The following DIPK2A variants were observed in gnomAD, a reference collection of about 807,000 sequenced individuals.
DIPK2A encodes Golgi Protein of 49 kDa.
In DIPK2A, 27 loss-of-function variants were observed where a neutral mutation model predicts 39.0. The observed-to-expected ratio is 0.69, with a 90% CI of 0.51 to 0.96. DIPK2A has a LOEUF of 0.96. DIPK2A is among the 40% of genes least tolerant of loss of function. DIPK2A has a pLI of 0.00. For missense variants in DIPK2A, 528 were observed against 571.3 expected (o/e 0.92, Z 0.77); for synonymous variants, 298 against 240.8 (o/e 1.24, Z -2.20).
Position 143,975,457 on chromosome 3 carries a change from A to G in DIPK2A, c.657+2468A>G, listed in dbSNP as rs183899279. ...GTCTGAACAATATACTTGAGGTTTG[A>G]TGATTGTATAAAACCACCAAAATGA... is the stretch of plus-strand genomic sequence containing the variant. On this transcript the variant is annotated intron_variant, in intron 1 of 2. Coordinates refer to ENST00000315691, the MANE Select transcript of DIPK2A (RefSeq NM_173552.5). Among the ~76,000 whole-genome samples, 1,363 of 152,230 alleles carry G rather than the reference A, an allele frequency of 9.0e-3. 16 individuals are homozygous for G. Among genetic ancestry groups the G allele is most frequent in the Middle Eastern group, 0.037 (11 of 294 alleles).
chr3:143,975,032 A>T (rs774089335), intron 1 of DIPK2A, among the ~76,000 whole-genome samples: 7 of 152,064 alleles, frequency 4.6e-5, no homozygotes, highest in Non-Finnish European at 8.8e-5. Context: ...GCCTTTTTTG[A>T]AAAAGCACAA....
Position 143,972,648 on chromosome 3 carries a change from C to G in DIPK2A, c.316C>G (p.Arg106Gly), listed in dbSNP as rs199733482. Reference sequence around the variant, plus strand: ...CGAGCCCCGCGAGGGCGGCCGCCGCCGAGTGGTGCTCAAGCGCCTCGGCTC... The same window carrying G: ...CGAGCCCCGCGAGGGCGGCCGCCGCGGAGTGGTGCTCAAGCGCCTCGGCTC... Reference protein sequence around the residue: ...YGEPREGGRRRVVLKRLGSQR... With the variant: ...YGEPREGGRRGVVLKRLGSQR... Residue 106 changes from arginine (R) to glycine (G), a missense_variant, in exon 1 of 3, where the codon CGA (arginine) becomes GGA (glycine). Coordinates refer to ENST00000315691, the MANE Select transcript of DIPK2A (RefSeq NM_173552.5). 6.2e-6 allele frequency: 10 copies of G among 1,611,242 alleles called. No individual in the cohort carries two copies. Among genetic ancestry groups the G allele is most frequent in the South Asian group, 4.4e-5 (4 of 91,004 alleles).
rs1576811991 is a variant in DIPK2A at position 143,985,134 on chromosome 3, G to C, written c.658-409G>C. The stretch of plus-strand genomic sequence containing the variant: ...CACCGTAACACAGTGCCTGTTGCCT[G>C]GTAAATAACTGCTGGTTAATAGGCT... On this transcript the variant is annotated intron_variant, in intron 1 of 2. Transcript: ENST00000315691. Among the ~76,000 whole-genome samples the C allele has an allele frequency of 2.0e-5, 3 of 152,158 alleles. No individual in the cohort carries two copies. In the East Asian group the frequency reaches 5.8e-4, roughly 29 times the overall value.
rs979493440 is a variant in DIPK2A at position 143,986,739 on chromosome 3, A to G, written c.961+893A>G. Among the ~76,000 whole-genome samples, 365 of 151,560 alleles carry G rather than the reference A, an allele frequency of 2.4e-3. 1 individual carries two copies. Among genetic ancestry groups the G allele is most frequent in the Middle Eastern group, 6.8e-3 (2 of 292 alleles). ...CTCCGTCTCAAAAAAAAAAAAAAAA[A>G]AAGAAAATTAAAGAAAATTAAATGC... On this transcript the variant is annotated intron_variant, in intron 2 of 2. Coordinates refer to ENST00000315691, the MANE Select transcript of DIPK2A (RefSeq NM_173552.5).
rs1254383431 is a variant in DIPK2A, at chr3:143,989,605, C to T, written c.1057C>T (p.Arg353Cys). 7 of 1,614,044 alleles carry T rather than the reference C, an allele frequency of 4.3e-6. No individual in the cohort carries two copies. Among genetic ancestry groups the T allele is most frequent in the African/African-American group, 2.7e-5 (2 of 74,920 alleles). The stretch of plus-strand genomic sequence containing the variant: ...ATTTTCAAAAGAAATTCTTTGTGCT[C>T]GTGCCACTGTGGACCACAATTACTA... ...LSFSKEILCA[R>C]ATVDHNYYAV... The change falls in exon 3 of 3, where the codon CGT becomes TGT. Residue 353 changes from arginine to cysteine, a missense_variant. Transcript: ENST00000315691.
intron 1 of DIPK2A, among the ~76,000 whole-genome samples, chr3:143,975,291 G>A (rs138765489): frequency 6.6e-6 from 1 of 152,218 alleles, no homozygotes; most frequent in East Asian, 1.9e-4. Flanking sequence ...GTACCAGCCA[G>A]TCATATAGGC....
In DIPK2A at chr3:143,990,093, GA is replaced by G. The variant is rs1250261697; in HGVS notation, c.*254del. On this transcript the variant is annotated 3_prime_UTR_variant, in exon 3 of 3. Coordinates refer to ENST00000315691, the MANE Select transcript of DIPK2A (RefSeq NM_173552.5). ...TCATCAGCTGCTCCCCACTACCCCG[GA>G]ATGCTTGAGTGGATTAATGAATATT... is the stretch of plus-strand genomic sequence containing the variant. 1 of 441,650 alleles carries G rather than the reference GA, an allele frequency of 2.3e-6. No individual in the cohort carries two copies. The highest frequency in any genetic ancestry group is 4.1e-6 in the Non-Finnish European group (1 of 246,650). The allele number at this position is 441,650 out of a possible 1,614,324, so 27.4% of individuals were successfully genotyped here.
chr3:143,973,212 G>A (rs1330902047), intron 1 of DIPK2A: 2 of 1,045,450 alleles, frequency 1.9e-6, no homozygotes, highest in East Asian at 5.2e-5. Flanking sequence ...CCTAGATTCG[G>A]GCGCATTTCG....
intron 1 of DIPK2A, 82 bp downstream of exon 1, chr3:143,973,071 G>A: frequency 6.8e-7 from 1 of 1,479,504 alleles, no homozygotes; most frequent in Non-Finnish European, 9.1e-7. Context: ...CTCAGCCAGC[G>A]CTTGCCGCCA....
intron 1 of DIPK2A, among the ~76,000 whole-genome samples, chr3:143,981,351 C>T (rs1232744036): frequency 6.6e-6 from 1 of 152,170 alleles, no homozygotes. Context: ...CCAACATGAT[C>T]TGGTCCTTGC....
At chr3:143,981,252 G>C (rs2087824672) in intron 1 of DIPK2A, among the ~76,000 whole-genome samples, 1 of 152,120 alleles carries the variant, frequency 6.6e-6, no homozygotes, top group Admixed American at 6.5e-5. Flanking sequence ...TGAACATCAA[G>C]ATTTTGACAT....
intron 2 of DIPK2A, 25 bp from the exon 3 acceptor site, chr3:143,989,485 A>G: frequency 7.8e-6 from 12 of 1,538,576 alleles, no homozygotes; most frequent in Non-Finnish European, 1.1e-5. Flanking sequence ...ATTTTTTTCT[A>G]CTTCTGCTTT....
chr3:143,974,496 A>G (rs1559852736), intron 1 of DIPK2A, among the ~76,000 whole-genome samples: 1 of 152,236 alleles, frequency 6.6e-6, no homozygotes, highest in Non-Finnish European at 1.5e-5. Flanking sequence ...TTTATGATGT[A>G]CATACACTTG....
At position 143,973,326 on chromosome 3, in the gene DIPK2A, C is replaced by A. The variant is rs894878545; in HGVS notation, c.657+337C>A. On this transcript the variant is annotated intron_variant, in intron 1 of 2. Transcript: ENST00000315691. Reference sequence around the variant, plus strand: ...TTCCGCTCTCTACCCTGCCTTTCTGCTTTTATCTGCCGGGGCTTGCAGGTC... The same window carrying A: ...TTCCGCTCTCTACCCTGCCTTTCTGATTTTATCTGCCGGGGCTTGCAGGTC... The A allele has an allele frequency of 2.6e-6, 4 of 1,539,122 alleles. No homozygotes were observed. In the Admixed American group the frequency reaches 7.9e-5, roughly 30 times the overall value.
At chr3:143,974,709 TTTTTAGGTAA>T (rs2087705676) in intron 1 of DIPK2A, among the ~76,000 whole-genome samples, 1 of 152,150 alleles carries the variant, frequency 6.6e-6, no homozygotes, top group African/African-American at 2.4e-5. Flanking sequence ...AGATTTTTTT[TTTTTAGGTAA>T]TTTTGAATAG....
At chr3:143,974,221 A>G (rs1266543167) in intron 1 of DIPK2A, among the ~76,000 whole-genome samples, 1 of 152,082 alleles carries the variant, frequency 6.6e-6, no homozygotes, top group Non-Finnish European at 1.5e-5. Flanking sequence ...TTTTAGCTTT[A>G]AAAGAAACCA....
chr3:143,985,953 T>C (rs944791663), intron 2 of DIPK2A, 107 bp downstream of exon 2: 3 of 845,398 alleles, frequency 3.5e-6, no homozygotes, highest in Admixed American at 2.8e-5. Flanking sequence ...ATGGCAACTT[T>C]AAGCGTCTTT....
chr3:143,978,379 TTGTC>T (rs1284167008), intron 1 of DIPK2A: 3 of 152,282 alleles, frequency 2.0e-5, no homozygotes, highest in African/African-American at 7.2e-5. Flanking sequence ...TGATAGGAAG[TTGTC>T]TGTGAAATTC....
chr3:143,975,802 G>A (rs2087720540), intron 1 of DIPK2A, among the ~76,000 whole-genome samples: 1 of 151,914 alleles, frequency 6.6e-6, no homozygotes, highest in Non-Finnish European at 1.5e-5. Context: ...TGACAAACTA[G>A]ATTTTTCTTA....
Sources: allele counts gnomAD v4.1 joint callset (sites outside exome capture counted in the v4.1 genomes callset), GRCh38; gene constraint gnomAD v4.1.1; transcripts MANE v1.5; gene names NCBI Gene and HGNC (gene_info 2026-07-23, HGNC 2026-07-21).